MALRD1: variants seen among roughly 807,000 people sequenced by gnomAD.
The protein encoded by MALRD1 is MAM and LDL-receptor class A domain-containing protein 1.
MALRD1 carries 247 observed loss-of-function variants against 242.1 expected under a neutral mutation model. That is an observed-to-expected ratio of 1.02 (90% CI 0.92 to 1.13). The LOEUF (loss-of-function observed/expected upper bound fraction) is 1.13, where lower values mean the gene tolerates loss of function less well. Ranked by LOEUF, MALRD1 falls within the 50% of genes most tolerant of loss-of-function variation. The pLI, the probability that MALRD1 is intolerant of heterozygous loss-of-function variation, is 0.00. For synonymous variants in MALRD1, 995 were observed against 866.6 expected (o/e 1.15, Z -2.60); for missense variants, 2,989 against 2,533.1 (o/e 1.18, Z -3.86).
At chr10:19,519,018 G>A (rs749663904) in intron 31 of MALRD1, among the ~76,000 whole-genome samples, 9 of 151,998 alleles carry the variant, frequency 5.9e-5, no homozygotes, top group Admixed American at 2.6e-4. Context: ...AATGTATCTC[G>A]GGTTATTTTA....
intron 30 of MALRD1, among the ~76,000 whole-genome samples, chr10:19,495,963 T>C (rs1385004690): frequency 6.6e-6 from 1 of 152,066 alleles, no homozygotes; most frequent in Non-Finnish European, 1.5e-5. Context: ...CCAATAAAGA[T>C]CAAGAAAGAC....
chr10:19,587,610 G>T (rs80062572), intron 33 of MALRD1, among the ~76,000 whole-genome samples: 1,976 of 152,260 alleles, frequency 0.013, 20 homozygotes, highest in East Asian at 0.036. Context: ...ATTCCTATAA[G>T]AAATATGTTT....
chr10:19,055,911 G>A (rs188122556), intron 1 of MALRD1, among the ~76,000 whole-genome samples: 4 of 152,098 alleles, frequency 2.6e-5, no homozygotes, highest in African/African-American at 7.2e-5. Flanking sequence ...TATTACCTGG[G>A]TAGCAAAATA....
chr10:19,478,706 C>T (rs556563029), intron 29 of MALRD1, among the ~76,000 whole-genome samples: 1 of 152,176 alleles, frequency 6.6e-6, no homozygotes, highest in Non-Finnish European at 1.5e-5. Context: ...TGCTTTCTGC[C>T]TCATTTCATC....
chr10:19,306,125 A>ATATAG (rs1183330280), intron 21 of MALRD1, among the ~76,000 whole-genome samples: 2 of 82,520 alleles, frequency 2.4e-5, no homozygotes, highest in East Asian at 6.5e-4. Flanking sequence ...ACTATCTAGT[A>ATATAG]TATATAGTAT....
rs71388859 is a variant in MALRD1, at chr10:19,705,804, T to TGAAAAAAAAA, written c.6314+13250_6314+13251insGAAAAAAAAA. Among the ~76,000 whole-genome samples, 10 of 102,894 alleles carry TGAAAAAAAAA rather than the reference T, an allele frequency of 9.7e-5. 1 individual carries two copies. Among genetic ancestry groups the TGAAAAAAAAA allele is most frequent in the Non-Finnish European group, 1.6e-4 (9 of 56,418 alleles). 67.5% of individuals were successfully genotyped at this position (102,894 alleles called of 152,430 possible). A position where few individuals can be genotyped will look rare whatever the true frequency, so the allele number is the denominator to read the frequency against. ...ACCTTGTTCTCATGTCCTGCAATAG[T>TGAAAAAAAAA]AAAAAAAAAAAAAAGCCCACAAGAG... On this transcript the variant is annotated intron_variant, in intron 38 of 39. Coordinates refer to ENST00000454679, the MANE Select transcript of MALRD1 (RefSeq NM_001142308.3).
chr10:19,653,462 G>C (rs1469167471), intron 36 of MALRD1, among the ~76,000 whole-genome samples: 1 of 152,142 alleles, frequency 6.6e-6, no homozygotes, highest in African/African-American at 2.4e-5. Flanking sequence ...GCCTCCCAAA[G>C]CAAGATTTTT....
intron 30 of MALRD1, among the ~76,000 whole-genome samples, chr10:19,494,631 G>A (rs571083269): frequency 2.3e-4 from 35 of 152,246 alleles, no homozygotes; most frequent in Middle Eastern, 3.4e-3. Context: ...ATTTTACAAT[G>A]TAATAGCAAG....
chr10:19,588,513 A>G (rs945014397), intron 33 of MALRD1, among the ~76,000 whole-genome samples: 7 of 152,216 alleles, frequency 4.6e-5, no homozygotes, highest in African/African-American at 1.7e-4. Flanking sequence ...TTGCTGTTGT[A>G]GTGATGCAAT....
intron 4 of MALRD1, among the ~76,000 whole-genome samples, chr10:19,103,566 T>TAAAA (rs1349573768): frequency 5.6e-4 from 78 of 139,446 alleles, no homozygotes; most frequent in South Asian, 1.4e-3. Flanking sequence ...AAAAAAAAAA[T>TAAAA]AAATAAAGAT....
chr10:19,107,067 A>C (rs2131343161), intron 5 of MALRD1, among the ~76,000 whole-genome samples: 1 of 152,128 alleles, frequency 6.6e-6, no homozygotes, highest in African/African-American at 2.4e-5. Context: ...ATCCTGGAGA[A>C]AATTCCATGT....
At chr10:19,067,734 G>A (rs1427081871) in intron 2 of MALRD1, among the ~76,000 whole-genome samples, 1 of 152,062 alleles carries the variant, frequency 6.6e-6, no homozygotes, top group Non-Finnish European at 1.5e-5. Flanking sequence ...GGGAAATAAT[G>A]ATGCTAAATT....
intron 35 of MALRD1, among the ~76,000 whole-genome samples, chr10:19,612,844 A>G (rs952698095): frequency 2.0e-5 from 3 of 151,910 alleles, no homozygotes; most frequent in Non-Finnish European, 4.4e-5. Flanking sequence ...GTGGTGACCT[A>G]TTAGAAACCA....
rs532359544 is a variant in MALRD1 at position 19,730,768 on chromosome 10, C to T, written c.6377C>T (p.Pro2126Leu). The T allele has an allele frequency of 1.0e-5, 16 of 1,536,534 alleles. No individual in the cohort carries two copies. In the East Asian group the frequency reaches 2.0e-4, roughly 19 times the overall value. ...VNPVYGNWSN[P>L]EKTESSVYSF... ...CCAGTTTACGGGAACTGGAGCAACC[C>T]AGAGAAAACAGAGGTAAGTGGCAAG... The change falls in exon 39 of 40, where the codon CCA (proline) becomes CTA (leucine). Residue 2126 changes from proline to leucine, a missense_variant. Coordinates refer to ENST00000454679, the MANE Select transcript of MALRD1 (RefSeq NM_001142308.3).
chr10:19,419,805 G>A (rs957988274), intron 28 of MALRD1, among the ~76,000 whole-genome samples: 6 of 152,038 alleles, frequency 3.9e-5, no homozygotes, highest in African/African-American at 7.2e-5. Flanking sequence ...CTGAATAGTC[G>A]TCAACTTTTC....
Position 19,588,961 on chromosome 10 carries a change from C to A in MALRD1, c.5681-6233C>A, listed in dbSNP as rs74909526. On this transcript the variant is annotated intron_variant, in intron 33 of 39. Transcript: ENST00000454679. ...CCCAGTCTAAAGCAACATTTCTTAA[C>A]CTGTTTTCTGCTGAAACCCATGCTA... Among the ~76,000 whole-genome samples the A allele has an allele frequency of 2.4e-3, 365 of 152,286 alleles. 1 individual carries two copies. The highest frequency in any genetic ancestry group is 7.9e-3 in the South Asian group (38 of 4,826).
intron 4 of MALRD1, among the ~76,000 whole-genome samples, chr10:19,101,023 C>A (rs7085520): frequency 2.6e-5 from 4 of 151,564 alleles, no homozygotes; most frequent in Non-Finnish European, 5.9e-5. Flanking sequence ...ATTTTAATAA[C>A]TATGTTACAA....
intron 38 of MALRD1, among the ~76,000 whole-genome samples, chr10:19,696,076 G>A (rs7909541): frequency 0.84 from 127,570 of 152,108 alleles, 54,053 homozygotes; most frequent in Non-Finnish European, 0.9. Context: ...TGGCACTAAT[G>A]TTTTAGCCCA....
intron 1 of MALRD1, among the ~76,000 whole-genome samples, chr10:19,063,187 G>T (rs1232332717): frequency 6.6e-6 from 1 of 152,042 alleles, no homozygotes; most frequent in Non-Finnish European, 1.5e-5. Flanking sequence ...TTTTACTACA[G>T]TAATGAAACA....
Sources: gnomAD v4.1 joint callset for allele counts (sites outside exome capture counted in the v4.1 genomes callset) on GRCh38, gnomAD v4.1.1 for gene constraint, MANE v1.5 for transcripts, NCBI Gene and HGNC (gene_info 2026-07-23, HGNC 2026-07-21) for gene names.